The following ST6GALNAC3 variants were observed in gnomAD, a reference collection of about 807,000 sequenced individuals.
ST6GALNAC3 encodes the protein alpha-N-acetylgalactosaminide alpha-2,6-sialyltransferase 3.
Under a neutral mutation model 32.7 loss-of-function variants are expected in ST6GALNAC3, and 25 were observed. The ratio of observed to expected loss-of-function variants is 0.76; its 90% CI spans 0.56 to 1.07. The LOEUF (loss-of-function observed/expected upper bound fraction) is 1.07. Ranked by LOEUF, ST6GALNAC3 falls within the 50% of genes least tolerant of loss-of-function variation. The pLI is 0.00. For missense variants in ST6GALNAC3, 355 were observed against 382.4 expected, an observed-to-expected ratio of 0.93 and a Z score of 0.60; for synonymous variants, 129 against 133.1, an observed-to-expected ratio of 0.97 and a Z score of 0.21.
intron 3 of ST6GALNAC3, among the ~76,000 whole-genome samples, chr1:76,444,342 T>G (rs1656823111): frequency 6.6e-6 from 1 of 152,190 alleles, no homozygotes; most frequent in African/African-American, 2.4e-5. Flanking sequence ...AGATGGCTCC[T>G]ATAACACTGG....
At chr1:76,421,363 A>G (rs1655019352) in intron 3 of ST6GALNAC3, among the ~76,000 whole-genome samples, 1 of 152,046 alleles carries the variant, frequency 6.6e-6, no homozygotes, top group Non-Finnish European at 1.5e-5. Context: ...CTGGGTTTTT[A>G]ATAAGTAACT....
At chr1:76,090,542 G>A (rs1014051777) in intron 1 of ST6GALNAC3, among the ~76,000 whole-genome samples, 1 of 152,174 alleles carries the variant, frequency 6.6e-6, no homozygotes, top group South Asian at 2.1e-4. Context: ...AAAGATGCAC[G>A]TAAGATGATC....
chr1:76,365,812 A>G (rs1168793982), intron 2 of ST6GALNAC3, among the ~76,000 whole-genome samples: 1 of 152,222 alleles, frequency 6.6e-6, no homozygotes, highest in Non-Finnish European at 1.5e-5. Flanking sequence ...TCTGAAGATT[A>G]GATTCATTAG....
At chr1:76,355,473 C>T (rs1294667698) in intron 2 of ST6GALNAC3, among the ~76,000 whole-genome samples, 1 of 152,132 alleles carries the variant, frequency 6.6e-6, no homozygotes, top group South Asian at 2.1e-4. Flanking sequence ...CTTTTATAGA[C>T]TGCCACCTTC....
chr1:76,187,168 A>G (rs1043699023), intron 1 of ST6GALNAC3, among the ~76,000 whole-genome samples: 13 of 152,328 alleles, frequency 8.5e-5, no homozygotes, highest in Middle Eastern at 3.4e-3. Flanking sequence ...AAAGCTGTGC[A>G]TTCTAAATGG....
intron 1 of ST6GALNAC3, among the ~76,000 whole-genome samples, chr1:76,255,677 C>T (rs943529847): frequency 2.0e-5 from 3 of 152,104 alleles, no homozygotes; most frequent in Non-Finnish European, 2.9e-5. Flanking sequence ...TTGTTGCCTA[C>T]GTAGTTTCTG....
At chr1:76,482,007 A>G (rs1659754763) in intron 3 of ST6GALNAC3, among the ~76,000 whole-genome samples, 1 of 152,160 alleles carries the variant, frequency 6.6e-6, no homozygotes, top group Non-Finnish European at 1.5e-5. Context: ...TTCACATTTC[A>G]AAATCAAGCT....
chr1:76,116,573 A>G (rs1648494707), intron 1 of ST6GALNAC3, among the ~76,000 whole-genome samples: 1 of 152,140 alleles, frequency 6.6e-6, no homozygotes, highest in African/African-American at 2.4e-5. Context: ...GTTGGAGACC[A>G]AGTTCTGTCA....
intron 1 of ST6GALNAC3, among the ~76,000 whole-genome samples, chr1:76,277,563 TATATAC>T (rs1659223322): frequency 5.4e-5 from 3 of 55,466 alleles, no homozygotes; most frequent in African/African-American, 8.9e-5. Context: ...TATATATATA[TATATAC>T]ACACACACAT....
At chr1:76,229,788 G>A (rs1656266923) in intron 1 of ST6GALNAC3, among the ~76,000 whole-genome samples, 2 of 152,140 alleles carry the variant, frequency 1.3e-5, no homozygotes, top group Non-Finnish European at 2.9e-5. Flanking sequence ...TTCCACGTGT[G>A]GAAAGGGCAG....
intron 1 of ST6GALNAC3, among the ~76,000 whole-genome samples, chr1:76,104,659 G>A (rs1275752190): frequency 1.4e-5 from 2 of 144,832 alleles, no homozygotes; most frequent in African/African-American, 5.2e-5. Flanking sequence ...TTTAATAAAT[G>A]CTTTTTCTCT....
At chr1:76,478,980 G>A (rs1035619463) in intron 3 of ST6GALNAC3, among the ~76,000 whole-genome samples, 3 of 151,828 alleles carry the variant, frequency 2.0e-5, no homozygotes, top group Admixed American at 6.6e-5. Context: ...AGACAGGATG[G>A]TCTCGATCTC....
chr1:76,634,993 T>A (rs1207567541), downstream of ST6GALNAC3, among the ~76,000 whole-genome samples: 1 of 152,190 alleles, frequency 6.6e-6, no homozygotes, highest in African/African-American at 2.4e-5. Context: ...GATATCCAAG[T>A]CGGAAACATA....
chr1:76,293,844 A>T (rs1182128162), intron 1 of ST6GALNAC3, among the ~76,000 whole-genome samples: 1 of 152,142 alleles, frequency 6.6e-6, no homozygotes, highest in Non-Finnish European at 1.5e-5. Flanking sequence ...CTGGTACATT[A>T]TAAGTAGAAG....
At chr1:76,090,113 G>C (rs1401751686) in intron 1 of ST6GALNAC3, among the ~76,000 whole-genome samples, 3 of 152,170 alleles carry the variant, frequency 2.0e-5, no homozygotes, top group Non-Finnish European at 4.4e-5. Context: ...ATTCAGATCT[G>C]TCTGACCCAA....
chr1:76,372,737 TCTC>T (rs1010285112), intron 2 of ST6GALNAC3, among the ~76,000 whole-genome samples: 4 of 152,120 alleles, frequency 2.6e-5, no homozygotes, highest in African/African-American at 4.8e-5. Flanking sequence ...GACTTCATCT[TCTC>T]CTATTATTTT....
intron 3 of ST6GALNAC3, among the ~76,000 whole-genome samples, chr1:76,432,085 T>C (rs1008281764): frequency 3.9e-5 from 6 of 152,218 alleles, no homozygotes; most frequent in Non-Finnish European, 5.9e-5. Context: ...TCATACAGTA[T>C]GAATCCTTTT....
intron 1 of ST6GALNAC3, among the ~76,000 whole-genome samples, chr1:76,173,471 C>A (rs971396798): frequency 1.1e-4 from 17 of 152,094 alleles, no homozygotes; most frequent in Non-Finnish European, 1.9e-4. Context: ...CAAGAAAAGC[C>A]AAAATTGACA....
At chr1:76,243,889 C>T (rs528809139) in intron 1 of ST6GALNAC3, among the ~76,000 whole-genome samples, 3 of 152,274 alleles carry the variant, frequency 2.0e-5, no homozygotes, top group African/African-American at 7.2e-5. Flanking sequence ...CATGATGCCT[C>T]CAGCTTTGCT....
Sources: allele counts gnomAD v4.1 joint callset (sites outside exome capture counted in the v4.1 genomes callset), GRCh38; gene constraint gnomAD v4.1.1; transcripts MANE v1.5; gene names NCBI Gene and HGNC (gene_info 2026-07-23, HGNC 2026-07-21).